EPHA6: variants seen among roughly 807,000 people sequenced by gnomAD.
EPHA6 encodes the protein EPH receptor A6.
Under a neutral mutation model 112.0 loss-of-function variants are expected in EPHA6, and 50 were observed. That is an observed-to-expected ratio of 0.45 (90% CI 0.36 to 0.56). The LOEUF is 0.56. EPHA6 is among the 20% of genes least tolerant of loss of function. The probability of loss-of-function intolerance (pLI) is 0.00; values close to 1 mark genes in which losing one functional copy is unlikely to be tolerated. For missense variants in EPHA6, 1,280 were observed against 1,417.4 expected, an observed-to-expected ratio of 0.90 and a Z score of 1.56; for synonymous variants, 529 against 490.7, an observed-to-expected ratio of 1.08 and a Z score of -1.03.
chr3:97,259,011 A>G (rs2079409110), intron 5 of EPHA6, among the ~76,000 whole-genome samples: 1 of 152,190 alleles, frequency 6.6e-6, no homozygotes, highest in African/African-American at 2.4e-5. Flanking sequence ...AGGTCCTGCT[A>G]GAGGCTCTAC....
Position 97,475,443 on chromosome 3 carries a change from C to T in EPHA6, c.1986C>T (p.Phe662=). Residue 662 remains phenylalanine, a synonymous_variant, in exon 8 of 18, where the codon TTC becomes TTT. Coordinates refer to ENST00000389672, the MANE Select transcript of EPHA6 (RefSeq NM_001080448.3). Reference sequence around the variant, plus strand: ...CTCTCCTCGTCATCCTCACTTTATTCTTCTTGATCACTGGGAGGTAACTGA... The same window carrying T: ...CTCTCCTCGTCATCCTCACTTTATTTTTCTTGATCACTGGGAGGTAACTGA... The part of the protein sequence containing the change: ...GFTLLVILTL[F]FLITGRCQWY... 1 of 1,610,428 alleles carries T rather than the reference C, an allele frequency of 6.2e-7. No individual in the cohort carries two copies. The highest frequency in any genetic ancestry group is 1.1e-5 in the South Asian group (1 of 90,520).
chr3:97,465,555 T>C (rs1036736863), intron 7 of EPHA6, among the ~76,000 whole-genome samples: 1 of 152,018 alleles, frequency 6.6e-6, no homozygotes, highest in African/African-American at 2.4e-5. Flanking sequence ...TTAGAGGTAG[T>C]TTGAGGTAAA....
At chr3:97,558,864 A>G (rs1345224965) in intron 11 of EPHA6, among the ~76,000 whole-genome samples, 2 of 152,056 alleles carry the variant, frequency 1.3e-5, no homozygotes, top group Non-Finnish European at 2.9e-5. Context: ...ATTTCTACAC[A>G]TACTAATGAT....
chr3:97,649,421 C>T (rs1253481712), intron 14 of EPHA6, among the ~76,000 whole-genome samples: 2 of 151,984 alleles, frequency 1.3e-5, no homozygotes, highest in Non-Finnish European at 2.9e-5. Flanking sequence ...ACAGCCAAAC[C>T]ATATAATCTA....
intron 3 of EPHA6, among the ~76,000 whole-genome samples, chr3:97,090,184 C>T (rs2047019425): frequency 6.6e-6 from 1 of 151,898 alleles, no homozygotes; most frequent in African/African-American, 2.4e-5. Context: ...ATAAGCTATT[C>T]GTTTCCTCAT....
chr3:97,215,114 G>A lies in EPHA6; in HGVS notation c.1115-11150G>A, dbSNP rs141368491. ...AATATCAGTTCCTGACACACAAGAC[G>A]CAATTCAATATTTAATCAAACAATG... On this transcript the variant is annotated intron_variant, in intron 3 of 17. Coordinates refer to ENST00000389672, the MANE Select transcript of EPHA6 (RefSeq NM_001080448.3). Among the ~76,000 whole-genome samples, 29 of 152,194 alleles carry A rather than the reference G, an allele frequency of 1.9e-4. No homozygotes were observed. In the East Asian group the frequency reaches 3.9e-3, roughly 20 times the overall value.
At chr3:97,646,279 A>C (rs1234728794) in intron 14 of EPHA6, 2 of 1,531,706 alleles carry the variant, frequency 1.3e-6, no homozygotes, top group African/African-American at 2.7e-5. Context: ...CAGACCAGAA[A>C]GCAATGTGAC....
intron 5 of EPHA6, among the ~76,000 whole-genome samples, chr3:97,247,995 G>A (rs1485834710): frequency 1.3e-5 from 2 of 151,950 alleles, no homozygotes; most frequent in East Asian, 3.9e-4. Context: ...GTAGTTGACT[G>A]TATGTATATA....
intron 5 of EPHA6, among the ~76,000 whole-genome samples, chr3:97,260,239 G>T (rs1051997643): frequency 6.6e-6 from 1 of 152,172 alleles, no homozygotes; most frequent in Admixed American, 6.5e-5. Context: ...TAGCATTTGG[G>T]TTGCCCTAAC....
rs969755485 is a variant in EPHA6, at chr3:97,755,306, T to C, written c.*6605T>C. 6.6e-6 allele frequency among the ~76,000 whole-genome samples: 1 copy of C among 152,148 alleles called. No individual in the cohort carries two copies. The highest frequency in any genetic ancestry group is 1.5e-5 in the Non-Finnish European group (1 of 68,014). ...ATTAACAACACAATCTTCTCAGGAG[T>C]TGTAAACTAGAAAAGTATCAGAATT... On this transcript the variant is annotated 3_prime_UTR_variant, in exon 18 of 18. Transcript: ENST00000389672.
chr3:97,125,178 A>G (rs2048150155), intron 3 of EPHA6, among the ~76,000 whole-genome samples: 1 of 151,758 alleles, frequency 6.6e-6, no homozygotes, highest in African/African-American at 2.4e-5. Context: ...AGGAAATGCC[A>G]CCAGAAGGGA....
chr3:97,526,445 C>T (rs1379970162), intron 10 of EPHA6, among the ~76,000 whole-genome samples: 1 of 149,776 alleles, frequency 6.7e-6, no homozygotes, highest in African/African-American at 2.5e-5. Flanking sequence ...TTTAAATCTG[C>T]TGTGGAACTG....
At chr3:97,155,460 T>C (rs2076267910) in intron 3 of EPHA6, among the ~76,000 whole-genome samples, 1 of 152,194 alleles carries the variant, frequency 6.6e-6, no homozygotes, top group Non-Finnish European at 1.5e-5. Flanking sequence ...AATATGGTAA[T>C]TCTGTGTATT....
intron 15 of EPHA6, among the ~76,000 whole-genome samples, chr3:97,731,667 T>C (rs1418770311): frequency 6.6e-6 from 1 of 152,064 alleles, no homozygotes; most frequent in Non-Finnish European, 1.5e-5. Flanking sequence ...ATAATCATAC[T>C]CAAATAATAA....
intron 5 of EPHA6, among the ~76,000 whole-genome samples, chr3:97,341,780 T>G (rs2083318019): frequency 1.3e-5 from 2 of 152,238 alleles, no homozygotes; most frequent in Non-Finnish European, 2.9e-5. Flanking sequence ...GGGAGGTATA[T>G]TCTCTTTCTC....
chr3:96,917,398 G>C (rs1368106400), intron 2 of EPHA6, among the ~76,000 whole-genome samples: 1 of 126,334 alleles, frequency 7.9e-6, no homozygotes, highest in East Asian at 2.6e-4. Flanking sequence ...CAGCCTGGGT[G>C]ATGGAGTAAG....
chr3:97,331,597 T>C (rs1047850641), intron 5 of EPHA6, among the ~76,000 whole-genome samples: 2 of 152,060 alleles, frequency 1.3e-5, no homozygotes, highest in African/African-American at 4.8e-5. Context: ...CAAACTACCA[T>C]CAAAGAATAC....
At chr3:97,315,499 T>C (rs1343898949) in intron 5 of EPHA6, among the ~76,000 whole-genome samples, 1 of 151,692 alleles carries the variant, frequency 6.6e-6, no homozygotes, top group East Asian at 1.9e-4. Context: ...TCATAAAACT[T>C]GTCTATGAAG....
chr3:97,288,945 CTTG>C (rs2080579496), intron 5 of EPHA6, among the ~76,000 whole-genome samples: 5 of 43,560 alleles, frequency 1.1e-4, no homozygotes, highest in African/African-American at 2.6e-4. Context: ...TTTTTTTTTG[CTTG>C]TTGATTTGTG....
Sources: gnomAD v4.1 joint callset for allele counts (sites outside exome capture counted in the v4.1 genomes callset) on GRCh38, gnomAD v4.1.1 for gene constraint, MANE v1.5 for transcripts, NCBI Gene and HGNC (gene_info 2026-07-23, HGNC 2026-07-21) for gene names.